The following MYPN variants were observed in gnomAD, a reference collection of about 807,000 sequenced individuals.
The protein encoded by MYPN is myopalladin.
In MYPN, 63 loss-of-function variants were observed where a neutral mutation model predicts 129.4. The observed-to-expected ratio is 0.49, with a 90% confidence interval of 0.40 to 0.60. The LOEUF is 0.60. MYPN is among the 20% of genes least tolerant of loss of function. The pLI is 0.00. For synonymous variants in MYPN, 629 were observed against 600.9 expected, an observed-to-expected ratio of 1.05 and a Z score of -0.68; for missense variants, 1,596 against 1,635.4, an observed-to-expected ratio of 0.98 and a Z score of 0.42.
chr10:68,177,666 A>T (rs2043249128), intron 12 of MYPN, among the ~76,000 whole-genome samples: 1 of 152,216 alleles, frequency 6.6e-6, no homozygotes, highest in South Asian at 2.1e-4. Context: ...GAAAGTGTAA[A>T]AACACTAGAC....
chr10:68,203,074 G>A (rs2043745637), intron 18 of MYPN, among the ~76,000 whole-genome samples: 1 of 152,148 alleles, frequency 6.6e-6, no homozygotes, highest in South Asian at 2.1e-4. Context: ...ATTCCCAGTC[G>A]AGGCTGACTG....
chr10:68,207,558 A>G (rs1474366274), intron 19 of MYPN, among the ~76,000 whole-genome samples: 6 of 151,888 alleles, frequency 4.0e-5, no homozygotes. Flanking sequence ...ACTGCCTGTG[A>G]TGCCCCGGCA....
intron 2 of MYPN, among the ~76,000 whole-genome samples, chr10:68,141,935 A>C (rs759881234): frequency 3.3e-5 from 5 of 152,224 alleles, no homozygotes; most frequent in Non-Finnish European, 7.3e-5. Context: ...TTTTTAGAGC[A>C]GCATAGTGTT....
At chr10:68,131,784 C>T (rs1252285372) in intron 2 of MYPN, among the ~76,000 whole-genome samples, 1 of 152,052 alleles carries the variant, frequency 6.6e-6, no homozygotes, top group Non-Finnish European at 1.5e-5. Flanking sequence ...ATTTTTAATG[C>T]TATTATTATT....
rs538371864 is a variant in MYPN at position 68,111,343 on chromosome 10, C to T, written c.-2+1620C>T. On this transcript the variant is annotated intron_variant, in intron 1 of 19. Transcript: ENST00000358913. Reference sequence around the variant, plus strand: ...CGTAATAGGAATAGTAGACTCAGTTCACTAACCTGAAAATATAAGTCAAAT... The same window carrying T: ...CGTAATAGGAATAGTAGACTCAGTTTACTAACCTGAAAATATAAGTCAAAT... Among the ~76,000 whole-genome samples the T allele has an allele frequency of 2.0e-5, 3 of 152,260 alleles. 1 individual carries two copies. Among genetic ancestry groups the T allele is most frequent in the African/African-American group, 7.2e-5 (3 of 41,546 alleles).
In MYPN at chr10:68,143,085, G is replaced by C. The variant is rs1207037228; in HGVS notation, c.1048G>C (p.Asp350His). The change falls in exon 3 of 20, where the codon GAT becomes CAT. Residue 350 changes from aspartate (D) to histidine (H), a missense_variant. Physicochemically the swap from Asp to His is moderately conservative, Grantham distance 81 (BLOSUM62 -1). Coordinates refer to ENST00000358913, the MANE Select transcript of MYPN (RefSeq NM_032578.4). ...CTTTGCTTCTAACATCTATGGGACA[G>C]ATTCGACTTCTGCTGAGATTTATAT... is the stretch of plus-strand genomic sequence containing the variant. ...SCFASNIYGT[D>H]STSAEIYIEG... The C allele has an allele frequency of 2.5e-6, 4 of 1,613,986 alleles. No homozygotes were observed. The Admixed American group carries it at 6.7e-5, about 27-fold the overall frequency.
intron 1 of MYPN, among the ~76,000 whole-genome samples, chr10:68,110,271 C>G (rs1282664335): frequency 2.0e-5 from 3 of 152,118 alleles, no homozygotes; most frequent in Non-Finnish European, 2.9e-5. Context: ...CTCTCTCTCT[C>G]TCCGTCTCTT....
At chr10:68,104,364 A>G (rs530702238), upstream of MYPN, among the ~76,000 whole-genome samples, 12 of 152,284 alleles carry the variant, frequency 7.9e-5, no homozygotes, top group East Asian at 1.9e-3. Flanking sequence ...TTATTTTCCT[A>G]CCCCTAACTT....
rs575231907 is a variant in MYPN at position 68,210,638 on chromosome 10, G to C, written c.*183G>C. The C allele has an allele frequency of 1.7e-5, 12 of 723,936 alleles. No homozygotes were observed. In the South Asian group the frequency reaches 1.8e-4, roughly 11 times the overall value. The allele number at this position is 723,936 out of a possible 1,614,324, so 44.8% of individuals were successfully genotyped here. A position where few individuals can be genotyped will look rare whatever the true frequency, so the allele number is the denominator to read the frequency against. On this transcript the variant is annotated 3_prime_UTR_variant, in exon 20 of 20. Transcript: ENST00000358913. Reference sequence around the variant, plus strand: ...CAGTCTCAGCTGAGGGAGAAAGGTAGGGCTGTGCCTTCTAAAGATTCCAAC... The same window carrying C: ...CAGTCTCAGCTGAGGGAGAAAGGTACGGCTGTGCCTTCTAAAGATTCCAAC...
At chr10:68,149,093 T>C (rs960003291) in intron 5 of MYPN, among the ~76,000 whole-genome samples, 2 of 152,074 alleles carry the variant, frequency 1.3e-5, no homozygotes, top group Non-Finnish European at 2.9e-5. Context: ...CCAGGCATGG[T>C]GCCATGCACC....
rs2042258678 is a variant in MYPN, at chr10:68,122,332, T to C, written c.894T>C (p.Pro298=). ...GCATAGTGGTAGGAATTCCACCACC[T>C]CAAGTAAGGTAAAAATGTCCCATTG... ...LDCIVVGIPP[P]QVRWYCEGKE... is the part of the protein sequence containing the mutation. The change falls in exon 2 of 20, where the codon CCT becomes CCC. Residue 298 remains proline (P), a synonymous_variant. Transcript: ENST00000358913. 1 of 1,613,240 alleles carries C rather than the reference T, an allele frequency of 6.2e-7. No individual in the cohort carries two copies. The highest frequency in any genetic ancestry group is 8.5e-7 in the Non-Finnish European group (1 of 1,179,964).
chr10:68,161,443 A>G (rs2042973030), intron 7 of MYPN, among the ~76,000 whole-genome samples: 2 of 151,576 alleles, frequency 1.3e-5, no homozygotes, highest in Admixed American at 1.3e-4. Flanking sequence ...TGAACCCAGG[A>G]GGCAGAGGTT....
intron 4 of MYPN, among the ~76,000 whole-genome samples, chr10:68,147,304 G>A (rs951428741): frequency 7.2e-5 from 11 of 151,998 alleles, no homozygotes; most frequent in African/African-American, 1.7e-4. Flanking sequence ...ACAGGCACAC[G>A]CCACCATGCC....
upstream of MYPN, among the ~76,000 whole-genome samples, chr10:68,104,281 G>A (rs1204771843): frequency 6.6e-6 from 1 of 152,174 alleles, no homozygotes. Flanking sequence ...AATAGAATCT[G>A]TGTGGAATCA....
At chr10:68,191,950 A>G (rs1329100602) in intron 13 of MYPN, among the ~76,000 whole-genome samples, 1 of 152,178 alleles carries the variant, frequency 6.6e-6, no homozygotes, top group East Asian at 1.9e-4. Flanking sequence ...ATCTGCAAGC[A>G]AGGATAATTT....
intron 19 of MYPN, among the ~76,000 whole-genome samples, chr10:68,208,061 A>C (rs2043845999): frequency 6.6e-6 from 1 of 152,252 alleles, no homozygotes; most frequent in Non-Finnish European, 1.5e-5. Context: ...GATCTAAGAA[A>C]TAAATTTTTA....
chr10:68,107,002 G>A (rs1168305551), upstream of MYPN, among the ~76,000 whole-genome samples: 1 of 152,174 alleles, frequency 6.6e-6, no homozygotes, highest in Non-Finnish European at 1.5e-5. Context: ...GCATTAGAAA[G>A]TTTTAAAGAT....
At position 68,161,067 on chromosome 10, in the gene MYPN, A is replaced by G. The variant is rs906462807; in HGVS notation, c.1460-662A>G. On this transcript the variant is annotated intron_variant, in intron 7 of 19. Coordinates refer to ENST00000358913, the MANE Select transcript of MYPN (RefSeq NM_032578.4). ...CTCTCAATCTTCACAAACCTTTTTC[A>G]GGTAAGGCTGAATGAGTGCCAGTAA... Among the ~76,000 whole-genome samples, 12 of 152,338 alleles carry G rather than the reference A, an allele frequency of 7.9e-5. No homozygotes were observed. In the South Asian group the frequency reaches 1.9e-3, roughly 24 times the overall value.
intron 5 of MYPN, among the ~76,000 whole-genome samples, chr10:68,149,651 C>A (rs781591338): frequency 6.6e-6 from 1 of 152,066 alleles, no homozygotes. Flanking sequence ...TATCTACAAC[C>A]TCTTTTTAAA....
Sources: gnomAD v4.1 joint callset for allele counts (sites outside exome capture counted in the v4.1 genomes callset) on GRCh38, gnomAD v4.1.1 for gene constraint, MANE v1.5 for transcripts, NCBI Gene and HGNC (gene_info 2026-07-23, HGNC 2026-07-21) for gene names.